Variants in MMP26 observed in about 807,000 individuals in gnomAD.
The protein encoded by MMP26 is matrix metalloproteinase-26.
MMP26 carries 33 observed loss-of-function variants against 31.0 expected under a neutral mutation model. That is an observed-to-expected ratio of 1.06 (90% CI 0.81 to 1.42). The LOEUF is 1.42. MMP26 is among the 40% of genes most tolerant of loss of function. The pLI is 0.00. For missense variants in MMP26, 347 were observed against 316.1 expected, an observed-to-expected ratio of 1.10 and a Z score of -0.74; for synonymous variants, 122 against 114.9, an observed-to-expected ratio of 1.06 and a Z score of -0.40.
chr11:4,757,761 C>A (rs1341369051), intron 1 of MMP26, among the ~76,000 whole-genome samples: 1 of 150,748 alleles, frequency 6.6e-6, no homozygotes, highest in Non-Finnish European at 1.5e-5. Context: ...ATACCTTTAT[C>A]CACCCACTAG....
chr11:4,918,722 G>C (rs1047408737), intron 2 of MMP26, among the ~76,000 whole-genome samples: 2 of 152,180 alleles, frequency 1.3e-5, no homozygotes, highest in Non-Finnish European at 2.9e-5. Context: ...CTGCCCTCAA[G>C]TTGTTTTGCT....
intron 2 of MMP26, among the ~76,000 whole-genome samples, chr11:4,789,791 C>T (rs1424130065): frequency 6.6e-6 from 1 of 151,496 alleles, no homozygotes; most frequent in African/African-American, 2.4e-5. Context: ...ATGCCCGCCC[C>T]AGCCTCCTAA....
At chr11:4,843,855 C>T (rs1417021719) in intron 2 of MMP26, among the ~76,000 whole-genome samples, 1 of 152,092 alleles carries the variant, frequency 6.6e-6, no homozygotes, top group Non-Finnish European at 1.5e-5. Flanking sequence ...ATTTCAGTTT[C>T]AGATATAAGC....
intron 2 of MMP26, among the ~76,000 whole-genome samples, chr11:4,807,131 A>C (rs1373238608): frequency 6.6e-6 from 1 of 152,170 alleles, no homozygotes; most frequent in Non-Finnish European, 1.5e-5. Context: ...TTTTTTAATA[A>C]ACTTACGTGT....
rs144312703 is a variant in MMP26, at chr11:4,885,615, C to T, written c.-144-102453C>T. 4.4e-3 allele frequency among the ~76,000 whole-genome samples: 663 copies of T among 152,096 alleles called. 6 individuals are homozygous for T. Among genetic ancestry groups the T allele is most frequent in the Middle Eastern group, 6.8e-3 (2 of 294 alleles). The stretch of plus-strand genomic sequence containing the variant: ...GTAAATACGCTATATGATAGTCACG[C>T]AATGATGCATTTCTCAGAAAAAAAT... On this transcript the variant is annotated intron_variant, in intron 2 of 7. Transcript: ENST00000380390.
At chr11:4,795,916 A>G (rs766797037) in intron 2 of MMP26, among the ~76,000 whole-genome samples, 2 of 152,056 alleles carry the variant, frequency 1.3e-5, no homozygotes, top group Non-Finnish European at 2.9e-5. Context: ...TCATTTCTTT[A>G]TAGCATCCTA....
At position 4,965,362 on chromosome 11, in the gene MMP26, T is replaced by G. The variant is rs114170842; in HGVS notation, c.-144-22706T>G. 3.1e-3 allele frequency among the ~76,000 whole-genome samples: 469 copies of G among 152,292 alleles called. 1 individual carries two copies. The highest frequency in any genetic ancestry group is 0.011 in the African/African-American group (458 of 41,572). On this transcript the variant is annotated intron_variant, in intron 2 of 7. Coordinates refer to ENST00000380390, the MANE Select transcript of MMP26 (RefSeq NM_021801.5). ...ATTATAGATACCTAAAGGAGCAATT[T>G]GATGAAGAGAGTTTCTTGAACTAGG...
chr11:4,737,381 C>T lies in MMP26; in HGVS notation c.-216-29889C>T, dbSNP rs376558365. The stretch of plus-strand genomic sequence containing the variant: ...AGAGGTGGCCAGGCACAGTGGCTCA[C>T]GCCTGTAATCCCAGCACTTTGGGAG... On this transcript the variant is annotated intron_variant, in intron 1 of 7. Transcript: ENST00000380390. 5.3e-4 allele frequency among the ~76,000 whole-genome samples: 81 copies of T among 152,242 alleles called. 2 individuals are homozygous for T. The highest frequency in any genetic ancestry group is 7.8e-4 in the Admixed American group (12 of 15,290).
At position 4,712,279 on chromosome 11, in the gene MMP26, A is replaced by C. The variant is rs1409654309; in HGVS notation, c.-217+7234A>C. The C allele has an allele frequency of 2.6e-5, 4 of 152,282 alleles. No individual in the cohort carries two copies. The East Asian group carries it at 5.8e-4, about 22-fold the overall frequency. The allele number at this position is 152,282 out of a possible 1,614,324, so 9.4% of individuals were successfully genotyped here. On this transcript the variant is annotated intron_variant, in intron 1 of 7. Coordinates refer to ENST00000380390, the MANE Select transcript of MMP26 (RefSeq NM_021801.5). Reference sequence around the variant, plus strand: ...TTCTTAAGGTGTTTAAATCTGACTAAACATATCTAAATTCAAACAATATTT... The same window carrying C: ...TTCTTAAGGTGTTTAAATCTGACTACACATATCTAAATTCAAACAATATTT...
chr11:4,990,654 A>T lies in MMP26; in HGVS notation c.377A>T (p.Asn126Ile), dbSNP rs1846984806. 6 of 1,614,022 alleles carry T rather than the reference A, an allele frequency of 3.7e-6. No homozygotes were observed. In the Admixed American group the frequency reaches 5.0e-5, roughly 13 times the overall value. Residue 126 changes from asparagine (N) to isoleucine (I), a missense_variant, in exon 5 of 8, where the codon AAT becomes ATT. Physicochemically the swap from Asn to Ile is moderately radical, Grantham distance 149 (BLOSUM62 -3). Coordinates refer to ENST00000380390, the MANE Select transcript of MMP26 (RefSeq NM_021801.5). ...KPSAVKDSIY[N>I]AVSIWSNVTP... ...TCCGCAGTGAAAGACAGTATATATA[A>T]TGCAGTTTCCATCTGGAGCAATGTG...
intron 2 of MMP26, among the ~76,000 whole-genome samples, chr11:4,831,546 A>T (rs1415116969): frequency 2.0e-5 from 3 of 152,198 alleles, no homozygotes; most frequent in African/African-American, 7.2e-5. Context: ...ATTCTTTAAA[A>T]ATAGAAAAAC....
intron 2 of MMP26, among the ~76,000 whole-genome samples, chr11:4,912,125 CTA>C (rs1851000706): frequency 6.6e-6 from 1 of 152,114 alleles, no homozygotes; most frequent in South Asian, 2.1e-4. Context: ...ATTAAAGTAA[CTA>C]AAGTTTATTG....
At chr11:4,855,722 C>T (rs185056754) in intron 2 of MMP26, among the ~76,000 whole-genome samples, 38 of 152,238 alleles carry the variant, frequency 2.5e-4, no homozygotes, top group South Asian at 6.2e-4. Flanking sequence ...ATATAGAGAA[C>T]GCCACAATGA....
In MMP26 at chr11:4,950,836, T is replaced by C. The variant is rs1364914702; in HGVS notation, c.-144-37232T>C. On this transcript the variant is annotated intron_variant, in intron 2 of 7. Transcript: ENST00000380390. ...ATTAATATCACAATGAGGTATTATA[T>C]CATACCCATTAGAATGGCTAACATC... 1.6e-5 allele frequency among the ~76,000 whole-genome samples: 2 copies of C among 123,506 alleles called. 1 individual carries two copies. The highest frequency in any genetic ancestry group is 3.7e-5 in the Non-Finnish European group (2 of 54,444). 81.0% of individuals were successfully genotyped at this position (123,506 alleles called of 152,430 possible).
At chr11:4,723,156 G>C in intron 1 of MMP26, 1 of 1,598,286 alleles carries the variant, frequency 6.3e-7, no homozygotes, top group Non-Finnish European at 8.6e-7. Context: ...TTAATGGCCA[G>C]CTCCCCACGC....
intron 2 of MMP26, among the ~76,000 whole-genome samples, chr11:4,969,721 G>C (rs1846640034): frequency 6.6e-6 from 1 of 151,978 alleles, no homozygotes; most frequent in Non-Finnish European, 1.5e-5. Context: ...TAAACATCCA[G>C]TAGATATACT....
chr11:4,865,017 A>T (rs1433247156), intron 2 of MMP26, among the ~76,000 whole-genome samples: 1 of 152,114 alleles, frequency 6.6e-6, no homozygotes, highest in Admixed American at 6.6e-5. Context: ...CCACTCATTC[A>T]TTCAGCATTC....
chr11:4,744,410 A>T (rs73390883), intron 1 of MMP26, among the ~76,000 whole-genome samples: 6,682 of 152,298 alleles, frequency 0.044, 470 homozygotes, highest in African/African-American at 0.15. Context: ...TTAGAAATAT[A>T]TTCTCTTTTA....
At chr11:4,869,062 T>C (rs1850276836) in intron 2 of MMP26, among the ~76,000 whole-genome samples, 1 of 152,100 alleles carries the variant, frequency 6.6e-6, no homozygotes, top group South Asian at 2.1e-4. Flanking sequence ...ATACAAAAAT[T>C]AATTCAAGAT....
Sources: gnomAD v4.1 joint callset for allele counts (sites outside exome capture counted in the v4.1 genomes callset) on GRCh38, gnomAD v4.1.1 for gene constraint, MANE v1.5 for transcripts, NCBI Gene and HGNC (gene_info 2026-07-23, HGNC 2026-07-21) for gene names.